The following PLXDC2 variants were observed in gnomAD, a reference collection of about 807,000 sequenced individuals.
PLXDC2 encodes plexin domain containing 2.
PLXDC2 carries 40 observed loss-of-function variants against 68.9 expected under a neutral mutation model. The ratio of observed to expected loss-of-function variants is 0.58; its 90% CI spans 0.45 to 0.76. PLXDC2 has a LOEUF of 0.76. Among genes scored for constraint, PLXDC2 ranks in the 30% least tolerant of loss-of-function variants. The probability of loss-of-function intolerance (pLI) is 0.00; values close to 1 mark genes in which losing one functional copy is unlikely to be tolerated. For synonymous variants in PLXDC2, 243 were observed against 234.2 expected (o/e 1.04, Z -0.34); for missense variants, 644 against 661.9 (o/e 0.97, Z 0.30).
chr10:19,980,799 A>G (rs1439757537), intron 1 of PLXDC2, among the ~76,000 whole-genome samples: 1 of 152,168 alleles, frequency 6.6e-6, no homozygotes, highest in African/African-American at 2.4e-5. Context: ...ACTTAATTCC[A>G]TAGATGCCCC....
At chr10:19,988,314 G>T (rs1477275128) in intron 1 of PLXDC2, among the ~76,000 whole-genome samples, 1 of 152,120 alleles carries the variant, frequency 6.6e-6, no homozygotes, top group Non-Finnish European at 1.5e-5. Context: ...TGGGTTAACT[G>T]ACAACTTCCT....
At chr10:20,181,150 A>G (rs930934858) in intron 9 of PLXDC2, among the ~76,000 whole-genome samples, 4 of 152,098 alleles carry the variant, frequency 2.6e-5, no homozygotes, top group East Asian at 1.9e-4. Flanking sequence ...CAAAATTGGT[A>G]ACAATAGCAG....
At chr10:20,114,157 G>A (rs1833593947) in intron 4 of PLXDC2, among the ~76,000 whole-genome samples, 1 of 152,028 alleles carries the variant, frequency 6.6e-6, no homozygotes. Context: ...AAACAATTAG[G>A]CAAATCTGGT....
intron 9 of PLXDC2, among the ~76,000 whole-genome samples, chr10:20,185,592 A>G (rs1363168006): frequency 6.6e-6 from 1 of 151,994 alleles, no homozygotes; most frequent in African/African-American, 2.4e-5. Context: ...ATAAATCACT[A>G]GTTAGAGTCA....
intron 1 of PLXDC2, among the ~76,000 whole-genome samples, chr10:19,986,537 T>TA (rs758076351): frequency 0.062 from 7,819 of 125,912 alleles, 269 homozygotes; most frequent in Middle Eastern, 0.11. Flanking sequence ...GTTGATGGCT[T>TA]AAAAAAAAAA....
At chr10:20,279,245 C>T (rs1836049570) in intron 13 of PLXDC2, among the ~76,000 whole-genome samples, 1 of 152,080 alleles carries the variant, frequency 6.6e-6, no homozygotes, top group Non-Finnish European at 1.5e-5. Context: ...AAATACCCTT[C>T]TAGGAACAGC....
chr10:20,000,707 G>T (rs1192375077), intron 1 of PLXDC2, among the ~76,000 whole-genome samples: 1 of 152,148 alleles, frequency 6.6e-6, no homozygotes, highest in East Asian at 1.9e-4. Flanking sequence ...GTTCTAAGTA[G>T]CTGAATCATT....
intron 1 of PLXDC2, among the ~76,000 whole-genome samples, chr10:19,881,806 A>C (rs1837733018): frequency 6.6e-6 from 1 of 152,190 alleles, no homozygotes; most frequent in South Asian, 2.1e-4. Context: ...AGGCATGGTA[A>C]TTTATTAGCA....
intron 6 of PLXDC2, among the ~76,000 whole-genome samples, chr10:20,149,223 TC>T (rs1564333403): frequency 2.5e-3 from 322 of 127,634 alleles, no homozygotes; most frequent in Middle Eastern, 8.1e-3. Flanking sequence ...TCTTTTTTTT[TC>T]TTTTCTTTTT....
intron 1 of PLXDC2, among the ~76,000 whole-genome samples, chr10:19,851,274 A>T (rs367651624): frequency 6.6e-6 from 1 of 152,302 alleles, no homozygotes; most frequent in Non-Finnish European, 1.5e-5. Context: ...CTCTCAAGAC[A>T]TATTTGTTCA....
At chr10:20,109,519 G>A (rs983374902) in intron 4 of PLXDC2, among the ~76,000 whole-genome samples, 1 of 152,124 alleles carries the variant, frequency 6.6e-6, no homozygotes, top group Admixed American at 6.5e-5. Context: ...CATTATACCA[G>A]AGTCTTTCTT....
chr10:19,885,835 A>C (rs1363409136), intron 1 of PLXDC2, among the ~76,000 whole-genome samples: 1 of 152,060 alleles, frequency 6.6e-6, no homozygotes, highest in Non-Finnish European at 1.5e-5. Context: ...TTGGCGATGC[A>C]GGCTCTTTTT....
intron 4 of PLXDC2, among the ~76,000 whole-genome samples, chr10:20,083,138 AG>A (rs2131722977): frequency 6.6e-6 from 1 of 152,254 alleles, no homozygotes; most frequent in African/African-American, 2.4e-5. Flanking sequence ...GATCAGGAGT[AG>A]GAAAGAGATG....
At chr10:19,982,446 G>A (rs1834566135) in intron 1 of PLXDC2, among the ~76,000 whole-genome samples, 2 of 152,096 alleles carry the variant, frequency 1.3e-5, no homozygotes, top group Admixed American at 1.3e-4. Flanking sequence ...TTCAGTTGTG[G>A]TACAGGCTGC....
chr10:20,053,730 G>A (rs140846810), intron 3 of PLXDC2, among the ~76,000 whole-genome samples: 1 of 152,138 alleles, frequency 6.6e-6, no homozygotes, highest in Non-Finnish European at 1.5e-5. Flanking sequence ...ATATATCTCT[G>A]TCCTGGTGGA....
chr10:19,948,190 G>A (rs986523598), intron 1 of PLXDC2, among the ~76,000 whole-genome samples: 1 of 152,070 alleles, frequency 6.6e-6, no homozygotes, highest in African/African-American at 2.4e-5. Context: ...TGTAGTAGAG[G>A]CTCCAGACAT....
intron 1 of PLXDC2, among the ~76,000 whole-genome samples, chr10:19,835,684 C>G (rs1342274268): frequency 6.6e-6 from 1 of 152,114 alleles, no homozygotes; most frequent in Non-Finnish European, 1.5e-5. Context: ...AATGGGCCCC[C>G]AGGCGGGAGA....
intron 4 of PLXDC2, among the ~76,000 whole-genome samples, chr10:20,092,420 C>T (rs1293825505): frequency 6.6e-6 from 1 of 152,086 alleles, no homozygotes; most frequent in Non-Finnish European, 1.5e-5. Flanking sequence ...GTTAGCATTG[C>T]TTGACCTATA....
At chr10:20,008,387 T>C (rs1027162769) in intron 2 of PLXDC2, among the ~76,000 whole-genome samples, 6 of 152,088 alleles carry the variant, frequency 3.9e-5, no homozygotes, top group Non-Finnish European at 7.4e-5. Context: ...AAACCCTGCC[T>C]CTACTAAAAA....
Sources: allele counts gnomAD v4.1 joint callset (sites outside exome capture counted in the v4.1 genomes callset), GRCh38; gene constraint gnomAD v4.1.1; transcripts MANE v1.5; gene names NCBI Gene and HGNC (gene_info 2026-07-23, HGNC 2026-07-21).